Variants in SHISAL1 observed in about 807,000 individuals in gnomAD.
SHISAL1 encodes the protein protein shisa-like-1.
In SHISAL1, 9 loss-of-function variants were observed where a neutral mutation model predicts 22.6. The observed-to-expected ratio is 0.40, with a 90% CI of 0.24 to 0.70. SHISAL1 has a LOEUF of 0.70. SHISAL1 is among the 30% of genes least tolerant of loss of function. The probability of loss-of-function intolerance (pLI) is 0.39; values close to 1 mark genes in which losing one functional copy is unlikely to be tolerated. For synonymous variants in SHISAL1, 119 were observed against 115.4 expected (o/e 1.03, Z -0.20); for missense variants, 246 against 270.6 (o/e 0.91, Z 0.64).
At chr22:44,259,793 G>T (rs1461920603) in intron 4 of SHISAL1, among the ~76,000 whole-genome samples, 2 of 152,204 alleles carry the variant, frequency 1.3e-5, no homozygotes, top group Non-Finnish European at 2.9e-5. Context: ...TTGCAATCGA[G>T]CGTCCAATTT....
At position 44,253,425 on chromosome 22, in the gene SHISAL1, A is replaced by ATTTTTTTTTTTTT. The variant is rs1491154287; in HGVS notation, c.*-3741_*-3740insAAAAAAAAAAAAA. 1.9e-5 allele frequency among the ~76,000 whole-genome samples: 2 copies of ATTTTTTTTTTTTT among 107,884 alleles called. 1 individual carries two copies. Among genetic ancestry groups the ATTTTTTTTTTTTT allele is most frequent in the Non-Finnish European group, 4.0e-5 (2 of 50,378 alleles). 70.8% of individuals were successfully genotyped at this position (107,884 alleles called of 152,430 possible). On this transcript the variant is annotated intron_variant, in intron 4 of 4. Coordinates refer to ENST00000381176, the MANE Select transcript of SHISAL1 (RefSeq NM_001099294.2). ...AAGCAGAGTATGCTAGTATTAGTGC[A>ATTTTTTTTTTTTT]TGTTTTTTTTTTTTTTTTTTTTTGA...
chr22:44,265,851 G>T (rs1169709041), intron 4 of SHISAL1, among the ~76,000 whole-genome samples: 2 of 152,196 alleles, frequency 1.3e-5, no homozygotes, highest in Admixed American at 1.3e-4. Flanking sequence ...GAGCCAGGCT[G>T]CCTGGGAAGG....
At chr22:44,260,470 T>C (rs543621487) in intron 4 of SHISAL1, among the ~76,000 whole-genome samples, 135 of 152,198 alleles carry the variant, frequency 8.9e-4, no homozygotes, top group African/African-American at 3.1e-3. Flanking sequence ...GCCATTAGGC[T>C]GGTAAAGGTT....
intron 3 of SHISAL1, among the ~76,000 whole-genome samples, chr22:44,288,300 GCA>G (rs2055329938): frequency 6.6e-6 from 1 of 152,182 alleles, no homozygotes; most frequent in Non-Finnish European, 1.5e-5. Context: ...CACCACTATA[GCA>G]CACTGCCTTG....
At chr22:44,303,268 C>T (rs951461660) in intron 1 of SHISAL1, among the ~76,000 whole-genome samples, 2 of 151,994 alleles carry the variant, frequency 1.3e-5, no homozygotes, top group African/African-American at 4.8e-5. Context: ...TTGTGTTCCC[C>T]CCAAATTCAC....
chr22:44,297,628 C>T (rs1201103254), intron 2 of SHISAL1, among the ~76,000 whole-genome samples: 3 of 152,228 alleles, frequency 2.0e-5, no homozygotes, highest in South Asian at 2.1e-4. Flanking sequence ...TGCTCAGGGG[C>T]GGAGGCCCCT....
In SHISAL1 at chr22:44,247,889, CACCTGGCTTTCTTGTGCT is replaced by C. The variant is rs1218693891; in HGVS notation, c.*1778_*1795del. ...CCCCAGCCACCTGGCTTTCTTGTGC[CACCTGGCTTTCTTGTGCT>C]TCCTTGAAACCACCAAGCCTGTGGC... On this transcript the variant is annotated 3_prime_UTR_variant, in exon 5 of 5. Coordinates refer to ENST00000381176, the MANE Select transcript of SHISAL1 (RefSeq NM_001099294.2). 1.3e-5 allele frequency: 2 copies of C among 152,090 alleles called. No homozygotes were observed. The highest frequency in any genetic ancestry group is 2.1e-4 in the South Asian group (1 of 4,826). The allele number at this position is 152,090 out of a possible 1,614,324, so 9.4% of individuals were successfully genotyped here. A position where few individuals can be genotyped will look rare whatever the true frequency, so the allele number is the denominator to read the frequency against.
At chr22:44,255,212 A>T (rs997271151) in intron 4 of SHISAL1, among the ~76,000 whole-genome samples, 61 of 151,980 alleles carry the variant, frequency 4.0e-4, no homozygotes, top group African/African-American at 1.4e-3. Flanking sequence ...ATGGAGTCGG[A>T]GTTTCACTCT....
intron 4 of SHISAL1, among the ~76,000 whole-genome samples, chr22:44,276,204 G>A (rs968182195): frequency 3.3e-5 from 5 of 152,110 alleles, no homozygotes; most frequent in African/African-American, 1.2e-4. Context: ...CCCTCTGATC[G>A]GGTGACTCTG....
chr22:44,260,656 A>G (rs1232647422), intron 4 of SHISAL1, among the ~76,000 whole-genome samples: 1 of 152,276 alleles, frequency 6.6e-6, no homozygotes, highest in Non-Finnish European at 1.5e-5. Context: ...CTTAAAATGC[A>G]GAGCCAAACG....
chr22:44,314,096 G>A (rs902932719), upstream of SHISAL1, among the ~76,000 whole-genome samples: 3 of 151,268 alleles, frequency 2.0e-5, no homozygotes, highest in Admixed American at 6.6e-5. Context: ...TACAGATGCG[G>A]AAACTGAGGT....
chr22:44,260,215 C>A (rs1398840974), intron 4 of SHISAL1, among the ~76,000 whole-genome samples: 6 of 152,220 alleles, frequency 3.9e-5, no homozygotes, highest in African/African-American at 1.4e-4. Flanking sequence ...AAGTCAGGAG[C>A]CTGTACTGTT....
the SHISAL1 span, among the ~76,000 whole-genome samples, chr22:44,319,760 T>C: frequency 6.6e-6 from 1 of 152,212 alleles, no homozygotes; most frequent in African/African-American, 2.4e-5. Flanking sequence ...TAAACATGCT[T>C]ATTTTAAAAC....
chr22:44,252,139 A>C (rs767371117), intron 4 of SHISAL1, among the ~76,000 whole-genome samples: 6 of 152,212 alleles, frequency 3.9e-5, no homozygotes, highest in Admixed American at 1.3e-4. Flanking sequence ...ATAAATAATA[A>C]AAAGTTGGAG....
rs2055309603 is a variant in SHISAL1, at chr22:44,285,670, A to G, written c.357T>C (p.Tyr119=). Residue 119 remains tyrosine (Y), a synonymous_variant, in exon 4 of 5, where the codon TAT becomes TAC. Coordinates refer to ENST00000381176, the MANE Select transcript of SHISAL1 (RefSeq NM_001099294.2). Reference sequence around the variant, plus strand: ...AGATGTCGTAGTTCATTGCCGAGTAATACAAAAGGTCCAGAACCAGCAGCA... The same window carrying G: ...AGATGTCGTAGTTCATTGCCGAGTAGTACAAAAGGTCCAGAACCAGCAGCA... ...VLMLLVLDLL[Y]YSAMNYDICK... 4 of 1,614,082 alleles carry G rather than the reference A, an allele frequency of 2.5e-6. No homozygotes were observed. The highest frequency in any genetic ancestry group is 1.3e-5 in the African/African-American group (1 of 74,936).
chr22:44,329,463 A>ACGCG, the SHISAL1 span, among the ~76,000 whole-genome samples: 4 of 151,438 alleles, frequency 2.6e-5, no homozygotes, highest in African/African-American at 4.9e-5. Context: ...ACACACACAC[A>ACGCG]CGCGCGGCTC....
intron 4 of SHISAL1, among the ~76,000 whole-genome samples, chr22:44,253,152 C>T (rs1218159719): frequency 6.6e-6 from 1 of 151,886 alleles, no homozygotes; most frequent in African/African-American, 2.4e-5. Context: ...GTGCATTTTA[C>T]CATAATTTTT....
the SHISAL1 span, among the ~76,000 whole-genome samples, chr22:44,325,910 A>G: frequency 6.6e-6 from 1 of 151,468 alleles, no homozygotes; most frequent in African/African-American, 2.4e-5. Flanking sequence ...TCAAGACCCA[A>G]GCCGAAATTT....
upstream of SHISAL1, among the ~76,000 whole-genome samples, chr22:44,317,610 C>A (rs1405013741): frequency 2.0e-5 from 3 of 152,238 alleles, no homozygotes; most frequent in African/African-American, 7.2e-5. Flanking sequence ...GGTCTCTGGT[C>A]TCAGGTTTGC....
Sources: gnomAD v4.1 joint callset for allele counts (sites outside exome capture counted in the v4.1 genomes callset) on GRCh38, gnomAD v4.1.1 for gene constraint, MANE v1.5 for transcripts, NCBI Gene and HGNC (gene_info 2026-07-23, HGNC 2026-07-21) for gene names.